The following FTO variants were observed in gnomAD, a reference collection of about 807,000 sequenced individuals.
The protein encoded by FTO is alpha-ketoglutarate-dependent dioxygenase FTO.
In FTO, 47 loss-of-function variants were observed where a neutral mutation model predicts 63.9. The ratio of observed to expected loss-of-function variants is 0.74; its 90% CI spans 0.58 to 0.94. The LOEUF (loss-of-function observed/expected upper bound fraction) is 0.94, where lower values mean the gene tolerates loss of function less well. FTO is among the 40% of genes least tolerant of loss of function. The pLI, the probability that FTO is intolerant of heterozygous loss-of-function variation, is 0.00. For synonymous variants in FTO, 207 were observed against 224.4 expected, an observed-to-expected ratio of 0.92 and a Z score of 0.69; for missense variants, 562 against 618.1, an observed-to-expected ratio of 0.91 and a Z score of 0.96.
At chr16:53,944,437 G>A (rs1397513867) in intron 8 of FTO, among the ~76,000 whole-genome samples, 2 of 152,214 alleles carry the variant, frequency 1.3e-5, no homozygotes, top group African/African-American at 4.8e-5. Context: ...AGAAATAGGA[G>A]AGAAATTTAT....
intron 1 of FTO, among the ~76,000 whole-genome samples, chr16:53,781,278 C>T (rs1476991764): frequency 6.6e-6 from 1 of 152,206 alleles, no homozygotes; most frequent in East Asian, 1.9e-4. Flanking sequence ...AGACCATGTT[C>T]TTTCTGTTAT....
intron 3 of FTO, among the ~76,000 whole-genome samples, chr16:53,832,405 T>G (rs1052526581): frequency 1.3e-5 from 2 of 152,178 alleles, no homozygotes; most frequent in African/African-American, 4.8e-5. Flanking sequence ...TCCTGACATA[T>G]CTGTTTTCTT....
chr16:53,729,158 C>T (rs2076215012), intron 1 of FTO, among the ~76,000 whole-genome samples: 1 of 152,142 alleles, frequency 6.6e-6, no homozygotes, highest in Non-Finnish European at 1.5e-5. Flanking sequence ...CAGGCCACTG[C>T]TGTGTTCAGC....
chr16:53,846,444 T>G (rs1200855560), intron 4 of FTO, among the ~76,000 whole-genome samples: 1 of 152,194 alleles, frequency 6.6e-6, no homozygotes, highest in African/African-American at 2.4e-5. Flanking sequence ...CTATTAGCAA[T>G]GTATATCTTT....
chr16:53,821,566 A>G (rs1238657947), intron 2 of FTO, among the ~76,000 whole-genome samples: 1 of 152,180 alleles, frequency 6.6e-6, no homozygotes, highest in Non-Finnish European at 1.5e-5. Flanking sequence ...GATCCCTGAC[A>G]ATCTCAATGA....
At chr16:53,871,561 C>T (rs953202793) in intron 4 of FTO, among the ~76,000 whole-genome samples, 3 of 152,026 alleles carry the variant, frequency 2.0e-5, no homozygotes, top group Admixed American at 6.6e-5. Flanking sequence ...GTGACTACCT[C>T]GCATATTTTG....
At chr16:53,862,428 G>T (rs576164625) in intron 4 of FTO, among the ~76,000 whole-genome samples, 1 of 151,800 alleles carries the variant, frequency 6.6e-6, no homozygotes, top group South Asian at 2.1e-4. Context: ...AACAGAATAT[G>T]TTTATGTCCT....
intron 8 of FTO, among the ~76,000 whole-genome samples, chr16:54,006,197 A>G (rs777758399): frequency 1.4e-4 from 22 of 152,206 alleles, no homozygotes; most frequent in Non-Finnish European, 2.9e-4. Flanking sequence ...GCCCTATTTC[A>G]GACTAATGCA....
intron 1 of FTO, among the ~76,000 whole-genome samples, chr16:53,777,891 A>G (rs916248417): frequency 2.8e-4 from 42 of 152,142 alleles, no homozygotes; most frequent in Admixed American, 9.8e-4. Context: ...TCAGTCAGCT[A>G]TTTTTTCAAG....
intron 8 of FTO, among the ~76,000 whole-genome samples, chr16:54,107,026 T>C (rs972430384): frequency 3.4e-5 from 5 of 146,230 alleles, no homozygotes; most frequent in Admixed American, 2.8e-4. Context: ...ACATAATATA[T>C]AATAAAGTAT....
At chr16:53,925,552 AT>A (rs1309630532) in intron 7 of FTO, among the ~76,000 whole-genome samples, 5 of 152,068 alleles carry the variant, frequency 3.3e-5, no homozygotes, top group African/African-American at 9.7e-5. Context: ...CTTAGACAAC[AT>A]TCTTTGATTT....
At chr16:53,967,663 G>A (rs2083224638) in intron 8 of FTO, among the ~76,000 whole-genome samples, 1 of 152,224 alleles carries the variant, frequency 6.6e-6, no homozygotes, top group African/African-American at 2.4e-5. Context: ...ATAGGGTTGT[G>A]TTGCACTGGG....
chr16:53,968,087 C>T (rs566952702), intron 8 of FTO, among the ~76,000 whole-genome samples: 7 of 152,162 alleles, frequency 4.6e-5, no homozygotes, highest in East Asian at 3.9e-4. Context: ...ATACTTGATT[C>T]GGGTCTATCA....
intron 1 of FTO, among the ~76,000 whole-genome samples, chr16:53,748,905 A>G (rs2151563144): frequency 6.6e-6 from 1 of 152,166 alleles, no homozygotes; most frequent in South Asian, 2.1e-4. Flanking sequence ...CTGGGACTAC[A>G]GGTACATGCC....
intron 7 of FTO, among the ~76,000 whole-genome samples, chr16:53,929,190 A>G (rs1456507357): frequency 6.6e-6 from 1 of 152,178 alleles, no homozygotes; most frequent in Non-Finnish European, 1.5e-5. Flanking sequence ...CAATCAAGGT[A>G]CAGAATGGTT....
chr16:54,073,513 C>G lies in FTO; in HGVS notation c.1365-38249C>G, dbSNP rs375673746. On this transcript the variant is annotated intron_variant, in intron 8 of 8. Transcript: ENST00000471389. ...TCAGTGGCTTTTTTAAAATAGTCCCCGAGAAAGGAAGGCAGAAAGTCCCAC... is the reference window on the plus strand; with the variant it reads ...TCAGTGGCTTTTTTAAAATAGTCCCGGAGAAAGGAAGGCAGAAAGTCCCAC... Among the ~76,000 whole-genome samples, 3 of 151,780 alleles carry G rather than the reference C, an allele frequency of 2.0e-5. No individual in the cohort carries two copies. In the South Asian group the frequency reaches 6.3e-4, roughly 32 times the overall value.
intron 1 of FTO, among the ~76,000 whole-genome samples, chr16:53,731,355 G>C (rs144316339): frequency 5.9e-5 from 9 of 152,254 alleles, no homozygotes; most frequent in African/African-American, 2.2e-4. Flanking sequence ...CTTAGCTTCT[G>C]TTGATGTATT....
intron 8 of FTO, among the ~76,000 whole-genome samples, chr16:54,009,496 C>T (rs1387847881): frequency 2.0e-5 from 3 of 152,066 alleles, no homozygotes; most frequent in Non-Finnish European, 2.9e-5. Context: ...TGCCTATAAA[C>T]GGATCAAGAA....
chr16:53,977,248 A>G (rs1430911356), intron 8 of FTO, among the ~76,000 whole-genome samples: 1 of 152,146 alleles, frequency 6.6e-6, no homozygotes, highest in African/African-American at 2.4e-5. Flanking sequence ...AGATGATGAC[A>G]TGGGTTTTCT....
Sources: gnomAD v4.1 joint callset for allele counts (sites outside exome capture counted in the v4.1 genomes callset) on GRCh38, gnomAD v4.1.1 for gene constraint, MANE v1.5 for transcripts, NCBI Gene and HGNC (gene_info 2026-07-23, HGNC 2026-07-21) for gene names.